The following NME7 variants were observed in gnomAD, a reference collection of about 807,000 sequenced individuals.
NME7 encodes NME/NM23 family member 7.
Under a neutral mutation model 49.1 loss-of-function variants are expected in NME7, and 41 were observed. That is an observed-to-expected ratio of 0.83 (90% CI 0.65 to 1.08). The LOEUF (loss-of-function observed/expected upper bound fraction) is 1.08, where lower values mean the gene tolerates loss of function less well. Ranked by LOEUF, NME7 falls within the 50% of genes least tolerant of loss-of-function variation. The pLI, the probability that NME7 is intolerant of heterozygous loss-of-function variation, is 0.00. For missense variants in NME7, 423 were observed against 463.4 expected, an observed-to-expected ratio of 0.91 and a Z score of 0.80; for synonymous variants, 139 against 150.6, an observed-to-expected ratio of 0.92 and a Z score of 0.56.
At chr1:169,257,210 G>A (rs6695674) in intron 7 of NME7, among the ~76,000 whole-genome samples, 62,122 of 132,424 alleles carry the variant, frequency 0.47, 22,113 homozygotes, top group East Asian at 0.91. Context: ...GCTGGCAATC[G>A]GCGAGACTCC....
chr1:169,299,354 A>G (rs1281443094), intron 5 of NME7, among the ~76,000 whole-genome samples: 1 of 152,128 alleles, frequency 6.6e-6, no homozygotes, highest in Non-Finnish European at 1.5e-5. Flanking sequence ...GTATTAAATT[A>G]TTAAAGTGTA....
intron 3 of NME7, among the ~76,000 whole-genome samples, chr1:169,312,703 A>C (rs1166848806): frequency 1.3e-5 from 2 of 152,200 alleles, no homozygotes; most frequent in African/African-American, 4.8e-5. Flanking sequence ...TATATTTCTG[A>C]GAAAGATGAC....
At chr1:169,303,994 C>T (rs1558031406) in intron 4 of NME7, among the ~76,000 whole-genome samples, 1 of 151,992 alleles carries the variant, frequency 6.6e-6, no homozygotes, top group Admixed American at 6.6e-5. Context: ...AGACTACAGT[C>T]GTGTTTTTAA....
At chr1:169,227,631 T>G (rs1647401433) in intron 10 of NME7, among the ~76,000 whole-genome samples, 1 of 152,024 alleles carries the variant, frequency 6.6e-6, no homozygotes, top group Non-Finnish European at 1.5e-5. Context: ...AGGGCAAGAG[T>G]GTGCATGTCA....
At position 169,261,500 on chromosome 1, in the gene NME7, T is replaced by C. The variant is rs188843152; in HGVS notation, c.755-23813A>G. ...TCACATTTTCCATTACTCCAAAAAATTCTCACCAACCTAAAATCCAGCACA... is the reference window on the plus strand; with the variant it reads ...TCACATTTTCCATTACTCCAAAAAACTCTCACCAACCTAAAATCCAGCACA... On this transcript the variant is annotated intron_variant, in intron 7 of 11. Coordinates refer to ENST00000367811, the MANE Select transcript of NME7 (RefSeq NM_013330.5). Among the ~76,000 whole-genome samples, 118 of 134,030 alleles carry C rather than the reference T, an allele frequency of 8.8e-4. 11 individuals carry two copies. Among genetic ancestry groups the C allele is most frequent in the African/African-American group, 2.9e-3 (116 of 39,686 alleles). 87.9% of individuals were successfully genotyped at this position (134,030 alleles called of 152,430 possible).
At chr1:169,227,869 G>C (rs1429725548) in intron 10 of NME7, among the ~76,000 whole-genome samples, 1 of 152,024 alleles carries the variant, frequency 6.6e-6, no homozygotes, top group Non-Finnish European at 1.5e-5. Flanking sequence ...TGGGTTCCTA[G>C]AGTACCCGCA....
At chr1:169,346,115 T>C (rs1258191724) in intron 1 of NME7, among the ~76,000 whole-genome samples, 1 of 152,124 alleles carries the variant, frequency 6.6e-6, no homozygotes, top group Non-Finnish European at 1.5e-5. Context: ...TCACCTAGAT[T>C]ATAGCCTCAT....
intron 1 of NME7, among the ~76,000 whole-genome samples, chr1:169,335,500 G>A (rs944344694): frequency 3.3e-5 from 5 of 151,748 alleles, no homozygotes; most frequent in African/African-American, 1.2e-4. Context: ...TAAGTGGGAG[G>A]TGAACAATGA....
At chr1:169,246,759 T>C (rs963868606) in intron 7 of NME7, among the ~76,000 whole-genome samples, 1 of 152,132 alleles carries the variant, frequency 6.6e-6, no homozygotes, top group Non-Finnish European at 1.5e-5. Context: ...TTAAAAATTA[T>C]TTGTAGAGAC....
chr1:169,146,172 T>C (rs537617131), intron 11 of NME7, among the ~76,000 whole-genome samples: 2 of 152,180 alleles, frequency 1.3e-5, no homozygotes, highest in Non-Finnish European at 2.9e-5. Flanking sequence ...CACTTACAAG[T>C]GAGAACACAG....
At chr1:169,201,777 C>T (rs1431978185) in intron 10 of NME7, among the ~76,000 whole-genome samples, 1 of 152,114 alleles carries the variant, frequency 6.6e-6, no homozygotes, top group East Asian at 1.9e-4. Context: ...CAGTTAGAAA[C>T]ATGGATCTGG....
intron 10 of NME7, among the ~76,000 whole-genome samples, chr1:169,206,451 G>A (rs901576276): frequency 1.3e-4 from 20 of 152,002 alleles, no homozygotes; most frequent in Admixed American, 6.6e-4. Context: ...CTAGGACAAG[G>A]AATAAAAAGG....
chr1:169,282,306 A>G (rs1650054102), intron 7 of NME7, among the ~76,000 whole-genome samples: 1 of 152,110 alleles, frequency 6.6e-6, no homozygotes, highest in African/African-American at 2.4e-5. Flanking sequence ...CCTCTATATC[A>G]TTTTTTATTG....
intron 1 of NME7, among the ~76,000 whole-genome samples, chr1:169,327,527 C>G (rs1293081488): frequency 6.6e-6 from 1 of 152,038 alleles, no homozygotes; most frequent in Admixed American, 6.6e-5. Context: ...TACCCAGAAG[C>G]CTTAGTATCT....
intron 11 of NME7, among the ~76,000 whole-genome samples, chr1:169,145,340 T>C (rs1034946895): frequency 2.0e-5 from 3 of 152,202 alleles, no homozygotes; most frequent in African/African-American, 7.2e-5. Flanking sequence ...ATAAGCATAA[T>C]GCATAATGGA....
intron 1 of NME7, among the ~76,000 whole-genome samples, chr1:169,337,418 C>G (rs1344832406): frequency 1.3e-5 from 2 of 152,186 alleles, no homozygotes; most frequent in Non-Finnish European, 1.5e-5. Context: ...CCAGCTGGCC[C>G]GCAAGCGCCG....
intron 10 of NME7, among the ~76,000 whole-genome samples, chr1:169,197,921 A>C (rs1435423940): frequency 1.3e-5 from 2 of 152,130 alleles, no homozygotes; most frequent in African/African-American, 4.8e-5. Flanking sequence ...AAGAAAAGTA[A>C]CAGACAGCCC....
intron 7 of NME7, among the ~76,000 whole-genome samples, chr1:169,241,592 G>A (rs898459833): frequency 6.6e-6 from 1 of 151,630 alleles, no homozygotes; most frequent in Non-Finnish European, 1.5e-5. Context: ...AATAGGACAA[G>A]TTCACACGAT....
chr1:169,321,156 G>C (rs1651838335), intron 3 of NME7, among the ~76,000 whole-genome samples: 2 of 152,118 alleles, frequency 1.3e-5, no homozygotes, highest in African/African-American at 4.8e-5. Context: ...ATTTAAAGCA[G>C]TCTTCCAGCC....
Sources: gnomAD v4.1 joint callset for allele counts (sites outside exome capture counted in the v4.1 genomes callset) on GRCh38, gnomAD v4.1.1 for gene constraint, MANE v1.5 for transcripts, NCBI Gene and HGNC (gene_info 2026-07-23, HGNC 2026-07-21) for gene names.